Variants in COXFA4 observed in about 807,000 individuals in gnomAD.
The protein encoded by COXFA4 is cytochrome c oxidase associated subunit FA4.
chr7:10,939,260 T>C, the COXFA4 span: 1 of 216,824 alleles, frequency 4.6e-6, no homozygotes, highest in Non-Finnish European at 9.4e-6. Flanking sequence ...ATCCTGGGGC[T>C]TGAAAAACAA....
chr7:10,938,919 T>C, the COXFA4 span: 1 of 1,569,392 alleles, frequency 6.4e-7, no homozygotes, highest in South Asian at 1.1e-5. Context: ...CAAAATAGAA[T>C]AACCATCTTC....
the COXFA4 span, chr7:10,938,208 TAAG>T: frequency 8.4e-6 from 12 of 1,420,352 alleles, no homozygotes; most frequent in Middle Eastern, 2.4e-4. Flanking sequence ...TGTTTTGTAC[TAAG>T]AATACATTTT....
chr7:10,938,962 C>T, the COXFA4 span: 9 of 1,219,472 alleles, frequency 7.4e-6, no homozygotes, highest in East Asian at 1.9e-4. Flanking sequence ...CGAGAGATTA[C>T]AGTAGTTTCT....
chr7:10,940,087 G>T, the COXFA4 span: 2 of 1,612,026 alleles, frequency 1.2e-6, no homozygotes, highest in Non-Finnish European at 1.7e-6. Flanking sequence ...GACTGGAAAG[G>T]AGAGAACCGA....
the COXFA4 span, among the ~76,000 whole-genome samples, chr7:10,933,988 A>G: frequency 2.6e-5 from 4 of 152,186 alleles, no homozygotes; most frequent in African/African-American, 9.6e-5. Context: ...TGAATAATTA[A>G]GAATTCCTTC....
chr7:10,937,057 G>A, the COXFA4 span, among the ~76,000 whole-genome samples: 2 of 151,930 alleles, frequency 1.3e-5, no homozygotes, highest in Admixed American at 6.6e-5. Context: ...ACAAAAAAAC[G>A]TTGCTATGAG....
chr7:10,933,616 G>A, the COXFA4 span: 27 of 1,597,784 alleles, frequency 1.7e-5, no homozygotes, highest in East Asian at 2.0e-4. Context: ...CTAAAGCAGC[G>A]TTATAGTGAA....
the COXFA4 span, chr7:10,932,404 C>CT: frequency 6.6e-6 from 1 of 152,224 alleles, no homozygotes; most frequent in African/African-American, 2.4e-5. Context: ...CACCATTTGA[C>CT]TAACAGAATG....
At chr7:10,935,502 C>T in the COXFA4 span, among the ~76,000 whole-genome samples, 2 of 152,204 alleles carry the variant, frequency 1.3e-5, no homozygotes, top group Non-Finnish European at 2.9e-5. Context: ...TCCTCTGCTA[C>T]GGACTGAATG....
the COXFA4 span, among the ~76,000 whole-genome samples, chr7:10,936,170 G>A: frequency 1.3e-5 from 2 of 152,170 alleles, no homozygotes; most frequent in African/African-American, 4.8e-5. Context: ...ATTTACTCCA[G>A]CTTCTCAAGT....
At chr7:10,938,196 A>C in the COXFA4 span, 1 of 1,511,980 alleles carries the variant, frequency 6.6e-7, no homozygotes, top group Admixed American at 1.7e-5. Context: ...AGCACTATTT[A>C]GTGTTTTGTA....
chr7:10,938,423 G>C, the COXFA4 span: 3 of 471,796 alleles, frequency 6.4e-6, no homozygotes, highest in Non-Finnish European at 1.1e-5. Context: ...ATACAGAAAA[G>C]TGCATAGAAT....
chr7:10,933,799 T>C, the COXFA4 span: 4 of 763,560 alleles, frequency 5.2e-6, no homozygotes, highest in South Asian at 1.6e-5. Context: ...ATTACAGATA[T>C]GAATTTTTAA....
chr7:10,940,152 C>A, the COXFA4 span: 3 of 1,262,190 alleles, frequency 2.4e-6, no homozygotes, highest in South Asian at 1.2e-5. Context: ...CTACGGACTT[C>A]CAAAGTCACC....
chr7:10,939,978 G>C, the COXFA4 span: 1 of 1,612,570 alleles, frequency 6.2e-7, no homozygotes. Context: ...ACGCAAGAAG[G>C]ACAAGGGAAA....
the COXFA4 span, chr7:10,933,812 G>T: frequency 1.1e-5 from 8 of 713,340 alleles, no homozygotes; most frequent in Non-Finnish European, 1.9e-5. Context: ...ATTTTTAAAA[G>T]AATATTTAAC....
At chr7:10,938,524 GATT>G in the COXFA4 span, 5 of 427,648 alleles carry the variant, frequency 1.2e-5, no homozygotes, top group Non-Finnish European at 2.1e-5. Flanking sequence ...CGAGAACCAT[GATT>G]ATTTTATAAA....
At chr7:10,933,762 CTTTGTA>C in the COXFA4 span, 2 of 1,189,194 alleles carry the variant, frequency 1.7e-6, no homozygotes, top group Admixed American at 1.8e-5. Flanking sequence ...TTTTAGAATT[CTTTGTA>C]TTTGGTTTTC....
chr7:10,939,658 G>A, the COXFA4 span: 1 of 335,216 alleles, frequency 3.0e-6, no homozygotes, highest in African/African-American at 2.1e-5. Context: ...AACACATAGG[G>A]AACCTGACCT....
Sources: gnomAD v4.1 joint callset for allele counts (sites outside exome capture counted in the v4.1 genomes callset) on GRCh38, gnomAD v4.1.1 for gene constraint, MANE v1.5 for transcripts, NCBI Gene and HGNC (gene_info 2026-07-23, HGNC 2026-07-21) for gene names.